The following ROBO1 variants were observed in gnomAD, a reference collection of about 807,000 sequenced individuals.
The protein encoded by ROBO1 is roundabout homolog 1.
ROBO1 carries 149 observed loss-of-function variants against 195.9 expected under a neutral mutation model. The observed-to-expected ratio is 0.76, with a 90% CI of 0.67 to 0.87. The LOEUF (loss-of-function observed/expected upper bound fraction) is 0.87. ROBO1 is among the 40% of genes least tolerant of loss of function. The pLI is 0.00. For synonymous variants in ROBO1, 816 were observed against 733.2 expected, an observed-to-expected ratio of 1.11 and a Z score of -1.82; for missense variants, 1,933 against 2,068.3, an observed-to-expected ratio of 0.93 and a Z score of 1.27.
At chr3:78,669,449 T>A (rs1707933105) in intron 11 of ROBO1, among the ~76,000 whole-genome samples, 1 of 152,200 alleles carries the variant, frequency 6.6e-6, no homozygotes, top group South Asian at 2.1e-4. Flanking sequence ...CTGTCAGGAC[T>A]ATTCTTTCAT....
At chr3:79,269,007 G>C (rs1385078955) in intron 2 of ROBO1, among the ~76,000 whole-genome samples, 1 of 151,514 alleles carries the variant, frequency 6.6e-6, no homozygotes, top group Non-Finnish European at 1.5e-5. Context: ...CCATTTACTA[G>C]AAGACCAATT....
At chr3:79,454,490 A>T (rs2107217968) in intron 2 of ROBO1, among the ~76,000 whole-genome samples, 1 of 152,224 alleles carries the variant, frequency 6.6e-6, no homozygotes, top group African/African-American at 2.4e-5. Flanking sequence ...GAAGCAATTT[A>T]TTTAACCTGC....
chr3:78,737,735 T>C (rs1333950283), intron 5 of ROBO1, among the ~76,000 whole-genome samples: 1 of 152,212 alleles, frequency 6.6e-6, no homozygotes, highest in African/African-American at 2.4e-5. Flanking sequence ...TTTTAAGTCA[T>C]TTATTCAATC....
chr3:79,707,332 C>A (rs1246413985), intron 1 of ROBO1, among the ~76,000 whole-genome samples: 1 of 152,012 alleles, frequency 6.6e-6, no homozygotes, highest in Non-Finnish European at 1.5e-5. Flanking sequence ...TCCACAGGAC[C>A]CAGAGTTATG....
intron 2 of ROBO1, among the ~76,000 whole-genome samples, chr3:79,184,075 T>G (rs756954675): frequency 6.6e-6 from 1 of 152,202 alleles, no homozygotes; most frequent in Non-Finnish European, 1.5e-5. Flanking sequence ...ATTTGGCTCT[T>G]TTAATATTTT....
chr3:79,531,781 G>A (rs1326595172), intron 2 of ROBO1, among the ~76,000 whole-genome samples: 2 of 151,990 alleles, frequency 1.3e-5, no homozygotes, highest in Non-Finnish European at 2.9e-5. Context: ...TCTTAAATTT[G>A]GTATTTGCTT....
chr3:79,159,338 C>T (rs1304348424), intron 2 of ROBO1, among the ~76,000 whole-genome samples: 1 of 151,942 alleles, frequency 6.6e-6, no homozygotes. Flanking sequence ...TCTTATAATA[C>T]TAATTCTAAA....
chr3:78,909,130 G>A (rs1488060779), intron 4 of ROBO1, among the ~76,000 whole-genome samples: 1 of 151,660 alleles, frequency 6.6e-6, no homozygotes, highest in African/African-American at 2.4e-5. Context: ...TCTCCATTGC[G>A]GAAATAATGT....
intron 2 of ROBO1, among the ~76,000 whole-genome samples, chr3:79,247,636 A>C (rs1293997767): frequency 6.6e-6 from 1 of 152,032 alleles, no homozygotes; most frequent in African/African-American, 2.4e-5. Context: ...GCTGCTGATC[A>C]TAAATAGCCT....
chr3:79,455,492 G>A (rs1420515534), intron 2 of ROBO1, among the ~76,000 whole-genome samples: 1 of 151,998 alleles, frequency 6.6e-6, no homozygotes. Context: ...CTAAAATTCA[G>A]GTGAAATATT....
chr3:78,894,570 A>T lies in ROBO1; in HGVS notation c.499+44031T>A, dbSNP rs571370659. Among the ~76,000 whole-genome samples the T allele has an allele frequency of 2.6e-5, 4 of 152,344 alleles. No homozygotes were observed. The South Asian group carries it at 6.2e-4, about 24-fold the overall frequency. ...AAGACCAATAACAAAGATGAAATAA[A>T]GAAGAAGGAAAAATCTCATATACAT... On this transcript the variant is annotated intron_variant, in intron 4 of 30. Coordinates refer to ENST00000464233, the MANE Select transcript of ROBO1 (RefSeq NM_002941.4).
At chr3:78,906,583 G>A (rs544313253) in intron 4 of ROBO1, among the ~76,000 whole-genome samples, 3 of 152,200 alleles carry the variant, frequency 2.0e-5, no homozygotes, top group African/African-American at 7.2e-5. Context: ...ATGAGTACAT[G>A]TAGTACATCA....
At chr3:79,127,866 T>A (rs753062501) in intron 2 of ROBO1, among the ~76,000 whole-genome samples, 2 of 152,332 alleles carry the variant, frequency 1.3e-5, no homozygotes, top group East Asian at 1.9e-4. Flanking sequence ...AAAGAATAGA[T>A]CTTTGCATTA....
chr3:79,575,511 AATATATATAAATATATATAACAAATAT>A (rs1560008112), intron 2 of ROBO1, among the ~76,000 whole-genome samples: 14 of 119,382 alleles, frequency 1.2e-4, no homozygotes, highest in Non-Finnish European at 2.0e-4. Flanking sequence ...ATATATAACA[AATATATATAAATATATATAACAAATAT>A]ATATAAATAT....
At chr3:78,696,715 C>CATATATATACAT (rs1559756807) in intron 8 of ROBO1, among the ~76,000 whole-genome samples, 32 of 144,404 alleles carry the variant, frequency 2.2e-4, no homozygotes, top group Admixed American at 4.2e-4. Flanking sequence ...TATATATACA[C>CATATATATACAT]GTATATATAC....
chr3:79,758,633 G>A (rs1247772264), intron 1 of ROBO1, among the ~76,000 whole-genome samples: 1 of 152,174 alleles, frequency 6.6e-6, no homozygotes, highest in African/African-American at 2.4e-5. Context: ...TCTCTACAGA[G>A]AGAAAAGAAG....
chr3:79,379,023 T>G (rs2036480158), intron 2 of ROBO1, among the ~76,000 whole-genome samples: 1 of 152,198 alleles, frequency 6.6e-6, no homozygotes, highest in Non-Finnish European at 1.5e-5. Context: ...AGACACTATG[T>G]CAACATAAGC....
At chr3:79,619,219 C>T (rs147497118) in intron 1 of ROBO1, among the ~76,000 whole-genome samples, 76 of 152,278 alleles carry the variant, frequency 5.0e-4, no homozygotes, top group African/African-American at 1.6e-3. Flanking sequence ...GTGGGGACAA[C>T]TGCTTTGGCT....
intron 2 of ROBO1, among the ~76,000 whole-genome samples, chr3:79,286,315 T>C (rs531842782): frequency 6.6e-6 from 1 of 152,316 alleles, no homozygotes; most frequent in Non-Finnish European, 1.5e-5. Flanking sequence ...TTCATATGCA[T>C]TCTACATTGA....
Sources: gnomAD v4.1 joint callset for allele counts (sites outside exome capture counted in the v4.1 genomes callset) on GRCh38, gnomAD v4.1.1 for gene constraint, MANE v1.5 for transcripts, NCBI Gene and HGNC (gene_info 2026-07-23, HGNC 2026-07-21) for gene names.